Variants in GRAMD1B observed in about 807,000 individuals in gnomAD.
The protein encoded by GRAMD1B is GRAM domain containing 1B.
Under a neutral mutation model 99.7 loss-of-function variants are expected in GRAMD1B, and 37 were observed. That is an observed-to-expected ratio of 0.37 (90% CI 0.29 to 0.49). The LOEUF (loss-of-function observed/expected upper bound fraction) is 0.49, where lower values mean the gene tolerates loss of function less well. GRAMD1B is among the 20% of genes least tolerant of loss of function. The probability of loss-of-function intolerance (pLI) is 0.98; values close to 1 mark genes in which losing one functional copy is unlikely to be tolerated. For synonymous variants in GRAMD1B, 427 were observed against 387.6 expected, an observed-to-expected ratio of 1.10 and a Z score of -1.19; for missense variants, 888 against 1,009.2, an observed-to-expected ratio of 0.88 and a Z score of 1.63.
At position 123,515,638 on chromosome 11, in the gene GRAMD1B, A is replaced by C. The variant is rs186355413; in HGVS notation, c.452+34745A>C. ...AAAAAAATTGGTGGACCAGCACAGA[A>C]TTACCAGTTATTTATTTTACCTATG... On this transcript the variant is annotated intron_variant, in intron 2 of 19. Transcript: ENST00000635736. 3.0e-4 allele frequency among the ~76,000 whole-genome samples: 46 copies of C among 152,338 alleles called. No individual in the cohort carries two copies. In the East Asian group the frequency reaches 7.9e-3, roughly 26 times the overall value.
rs1953034809 is a variant in GRAMD1B, at chr11:123,608,388, A to G, written c.1514-271A>G. 5 of 999,442 alleles carry G rather than the reference A, an allele frequency of 5.0e-6. No homozygotes were observed. In the South Asian group the frequency reaches 7.0e-5, roughly 14 times the overall value. 61.9% of individuals were successfully genotyped at this position (999,442 alleles called of 1,614,324 possible). A position where few individuals can be genotyped will look rare whatever the true frequency, so the allele number is the denominator to read the frequency against. On this transcript the variant is annotated intron_variant, in intron 11 of 19. Coordinates refer to ENST00000635736, the MANE Select transcript of GRAMD1B (RefSeq NM_001387025.1). ...CTGAATTAGGGAGGTTTGAAAGTGT[A>G]AAAGCAAATCGTACATTCCCAAACA...
At chr11:123,387,252 T>A (rs1224361093) in intron 1 of GRAMD1B, among the ~76,000 whole-genome samples, 3 of 152,102 alleles carry the variant, frequency 2.0e-5, no homozygotes, top group Non-Finnish European at 4.4e-5. Flanking sequence ...GGATGTGAAG[T>A]ATCCCCAGGA....
intron 1 of GRAMD1B, among the ~76,000 whole-genome samples, chr11:123,471,472 GC>G (rs1344730671): frequency 6.6e-6 from 1 of 152,132 alleles, no homozygotes; most frequent in African/African-American, 2.4e-5. Context: ...TAGAAGAAGA[GC>G]CCAAGAAACT....
chr11:123,547,166 G>A (rs1317873036), intron 2 of GRAMD1B, among the ~76,000 whole-genome samples: 1 of 152,174 alleles, frequency 6.6e-6, no homozygotes, highest in East Asian at 1.9e-4. Flanking sequence ...AGATTGAAAG[G>A]CCTTTCCACT....
intron 1 of GRAMD1B, among the ~76,000 whole-genome samples, chr11:123,457,740 G>A (rs1422048911): frequency 6.6e-6 from 1 of 152,082 alleles, no homozygotes; most frequent in African/African-American, 2.4e-5. Context: ...TTTTTGAGAT[G>A]GGGTCTCACT....
intron 1 of GRAMD1B, among the ~76,000 whole-genome samples, chr11:123,452,297 C>T (rs1591569060): frequency 6.6e-6 from 1 of 152,218 alleles, no homozygotes; most frequent in South Asian, 2.1e-4. Flanking sequence ...GTAACTGTTA[C>T]ATTTGGTAAT....
chr11:123,598,698 CAGG>C, intron 7 of GRAMD1B: 1 of 978,854 alleles, frequency 1.0e-6, no homozygotes, highest in South Asian at 1.3e-5. Flanking sequence ...CAACTCCTCC[CAGG>C]AGGAGAATGC....
intron 1 of GRAMD1B, among the ~76,000 whole-genome samples, chr11:123,479,114 C>T (rs80164212): frequency 3.6e-3 from 545 of 152,292 alleles, no homozygotes; most frequent in Middle Eastern, 0.01. Context: ...TAAAAACGTG[C>T]TGCATGGAAG....
At chr11:123,518,972 G>A (rs1265225384) in intron 2 of GRAMD1B, among the ~76,000 whole-genome samples, 2 of 152,226 alleles carry the variant, frequency 1.3e-5, no homozygotes, top group African/African-American at 4.8e-5. Flanking sequence ...AGTGGCTTCA[G>A]TAAATCCAGG....
At chr11:123,364,514 C>T (rs1486753735) in intron 1 of GRAMD1B, among the ~76,000 whole-genome samples, 1 of 152,216 alleles carries the variant, frequency 6.6e-6, no homozygotes, top group Non-Finnish European at 1.5e-5. Context: ...TGCATTTTCT[C>T]TCACCATTCT....
At chr11:123,439,632 C>T (rs1949318242) in intron 1 of GRAMD1B, among the ~76,000 whole-genome samples, 1 of 152,160 alleles carries the variant, frequency 6.6e-6, no homozygotes. Context: ...TTCTCCAATT[C>T]TGATCTGTAG....
rs555705665 is a variant in GRAMD1B at position 123,448,681 on chromosome 11, C to T, written c.374+17515C>T. Among the ~76,000 whole-genome samples the T allele has an allele frequency of 3.2e-4, 48 of 152,376 alleles. No homozygotes were observed. In the South Asian group the frequency reaches 9.1e-3, roughly 29 times the overall value. ...CACTGCGATGTTCTTCAAAACTCAGCTTGTCTTTTTGTAATTGAACTCATT... is the reference window on the plus strand; with the variant it reads ...CACTGCGATGTTCTTCAAAACTCAGTTTGTCTTTTTGTAATTGAACTCATT... On this transcript the variant is annotated intron_variant, in intron 1 of 19. Coordinates refer to ENST00000635736, the MANE Select transcript of GRAMD1B (RefSeq NM_001387025.1).
chr11:123,449,210 G>A (rs557609794), intron 1 of GRAMD1B, among the ~76,000 whole-genome samples: 25 of 152,288 alleles, frequency 1.6e-4, no homozygotes, highest in African/African-American at 6.0e-4. Context: ...GTGTGATAAC[G>A]TGCTCGCATT....
intron 2 of GRAMD1B, among the ~76,000 whole-genome samples, chr11:123,555,135 C>A (rs1946047513): frequency 6.6e-6 from 1 of 152,136 alleles, no homozygotes; most frequent in African/African-American, 2.4e-5. Context: ...AAAGAAGAAA[C>A]GTTGACAGGG....
chr11:123,486,303 T>C (rs780779449), intron 2 of GRAMD1B, among the ~76,000 whole-genome samples: 14 of 152,018 alleles, frequency 9.2e-5, no homozygotes, highest in African/African-American at 2.7e-4. Flanking sequence ...ATCCCAGCAC[T>C]TGGGGAGGCC....
chr11:123,589,060 A>G (rs1289868858), intron 4 of GRAMD1B, among the ~76,000 whole-genome samples: 1 of 151,682 alleles, frequency 6.6e-6, no homozygotes, highest in Non-Finnish European at 1.5e-5. Context: ...CATTCCTACA[A>G]ACCTTTGTTT....
At chr11:123,481,939 C>A (rs1271614050) in intron 2 of GRAMD1B, among the ~76,000 whole-genome samples, 1 of 152,010 alleles carries the variant, frequency 6.6e-6, no homozygotes, top group Non-Finnish European at 1.5e-5. Flanking sequence ...GGTACTTTTA[C>A]CACATTTATC....
intron 2 of GRAMD1B, among the ~76,000 whole-genome samples, chr11:123,530,453 C>T (rs894311008): frequency 2.0e-5 from 3 of 152,188 alleles, no homozygotes. Context: ...TCTTGGCTCA[C>T]TGCAACTTCC....
chr11:123,450,084 G>A (rs906379969), intron 1 of GRAMD1B, among the ~76,000 whole-genome samples: 48 of 152,098 alleles, frequency 3.2e-4, no homozygotes, highest in African/African-American at 1.1e-3. Flanking sequence ...ATAGTTAGGT[G>A]GAGAGTGATC....
Sources: allele counts gnomAD v4.1 joint callset (sites outside exome capture counted in the v4.1 genomes callset), GRCh38; gene constraint gnomAD v4.1.1; transcripts MANE v1.5; gene names NCBI Gene and HGNC (gene_info 2026-07-23, HGNC 2026-07-21).